Variants in USH2A observed in about 807,000 individuals in gnomAD.
USH2A encodes usherin.
In USH2A, 443 loss-of-function variants were observed where a neutral mutation model predicts 538.9. The observed-to-expected ratio is 0.82, with a 90% confidence interval of 0.76 to 0.89. The LOEUF (loss-of-function observed/expected upper bound fraction) is 0.89, where lower values mean the gene tolerates loss of function less well. Among genes scored for constraint, USH2A ranks in the 40% least tolerant of loss-of-function variants. USH2A has a pLI of 0.00. For missense variants in USH2A, 6,633 were observed against 6,324.8 expected (o/e 1.05, Z -1.65); for synonymous variants, 2,413 against 2,273.5 (o/e 1.06, Z -1.75).
intron 4 of USH2A, among the ~76,000 whole-genome samples, chr1:216,333,898 C>A (rs932615608): frequency 7.9e-5 from 12 of 151,954 alleles, no homozygotes; most frequent in African/African-American, 2.9e-4. Flanking sequence ...ATTGACATTT[C>A]CAGATAAAGA....
intron 20 of USH2A, among the ~76,000 whole-genome samples, chr1:216,184,134 C>T (rs1455587243): frequency 6.6e-6 from 1 of 152,002 alleles, no homozygotes; most frequent in South Asian, 2.1e-4. Flanking sequence ...TCTGTCATTA[C>T]CAAATTTCTC....
chr1:215,754,939 A>C (rs760976852), intron 58 of USH2A, among the ~76,000 whole-genome samples: 2 of 152,148 alleles, frequency 1.3e-5, no homozygotes, highest in Non-Finnish European at 2.9e-5. Context: ...TTCATGCTGC[A>C]GAGATCATTG....
At chr1:216,373,248 A>G (rs1037805957) in intron 3 of USH2A, among the ~76,000 whole-genome samples, 15 of 152,224 alleles carry the variant, frequency 9.9e-5, no homozygotes, top group Admixed American at 5.2e-4. Context: ...AATACTTTCA[A>G]TGAAAGGAGG....
chr1:216,046,408 G>A (rs889380484), intron 32 of USH2A, 23 bp downstream of exon 32: 13 of 1,612,472 alleles, frequency 8.1e-6, no homozygotes, highest in African/African-American at 2.7e-5. Context: ...ATAACAATTC[G>A]CTGATAACTC....
intron 21 of USH2A, among the ~76,000 whole-genome samples, chr1:216,113,761 A>T (rs2032933949): frequency 6.6e-6 from 1 of 151,972 alleles, no homozygotes; most frequent in Non-Finnish European, 1.5e-5. Flanking sequence ...TTTAAAATCT[A>T]AATGTTTTCA....
At chr1:215,682,309 T>C (rs1007297083) in intron 61 of USH2A, among the ~76,000 whole-genome samples, 5 of 152,152 alleles carry the variant, frequency 3.3e-5, no homozygotes, top group African/African-American at 7.2e-5. Context: ...GCTTTTGTCA[T>C]AAGAAACATG....
intron 20 of USH2A, among the ~76,000 whole-genome samples, chr1:216,177,077 C>T (rs1183589811): frequency 6.6e-6 from 1 of 152,088 alleles, no homozygotes; most frequent in African/African-American, 2.4e-5. Context: ...TGAGTAAATA[C>T]CAAGAAGTGC....
intron 61 of USH2A, among the ~76,000 whole-genome samples, chr1:215,696,157 TG>T (rs1454724102): frequency 4.6e-5 from 7 of 152,186 alleles, no homozygotes; most frequent in Non-Finnish European, 8.8e-5. Context: ...GTTTGTTATA[TG>T]TATTATATAC....
At chr1:215,702,911 A>G (rs143603411) in intron 61 of USH2A, among the ~76,000 whole-genome samples, 16 of 152,024 alleles carry the variant, frequency 1.1e-4, no homozygotes, top group Middle Eastern at 3.4e-3. Context: ...TGGAATTTTC[A>G]GCCTTTTTGC....
At chr1:215,701,085 C>A (rs570605596) in intron 61 of USH2A, among the ~76,000 whole-genome samples, 49 of 152,298 alleles carry the variant, frequency 3.2e-4, no homozygotes, top group Non-Finnish European at 3.7e-4. Flanking sequence ...CATTCAGGAG[C>A]AGGTTGTTCA....
chr1:216,386,515 AC>A (rs1407807676), intron 3 of USH2A, among the ~76,000 whole-genome samples: 2 of 100,920 alleles, frequency 2.0e-5, no homozygotes, highest in African/African-American at 3.4e-5. Context: ...AAACAAACAA[AC>A]AAACAAAAAA....
chr1:216,239,739 A>T (rs1245530209), intron 13 of USH2A, among the ~76,000 whole-genome samples: 2 of 152,180 alleles, frequency 1.3e-5, no homozygotes, highest in East Asian at 3.9e-4. Context: ...GGCTACTTGA[A>T]TAGTCCAGGA....
intron 9 of USH2A, among the ~76,000 whole-genome samples, chr1:216,310,306 T>C (rs1221020899): frequency 6.6e-6 from 1 of 152,120 alleles, no homozygotes; most frequent in Non-Finnish European, 1.5e-5. Flanking sequence ...ATATATCAAC[T>C]ATACCTTTTT....
At chr1:216,120,075 T>C (rs1451397509) in intron 21 of USH2A, among the ~76,000 whole-genome samples, 1 of 152,122 alleles carries the variant, frequency 6.6e-6, no homozygotes, top group Non-Finnish European at 1.5e-5. Flanking sequence ...GATACATATT[T>C]TTTTCAGTCA....
intron 27 of USH2A, among the ~76,000 whole-genome samples, chr1:216,076,502 G>T (rs2031756534): frequency 1.3e-5 from 2 of 151,924 alleles, no homozygotes; most frequent in South Asian, 4.1e-4. Context: ...GTACATGCAG[G>T]GTTTTTGTTT....
intron 38 of USH2A, among the ~76,000 whole-genome samples, chr1:215,934,371 G>T (rs1162091052): frequency 1.3e-5 from 2 of 151,656 alleles, no homozygotes; most frequent in African/African-American, 4.8e-5. Flanking sequence ...TGTGTGTATG[G>T]TATATACACA....
chr1:215,934,877 C>A, intron 37 of USH2A, 82 bp from the exon 38 acceptor site: 1 of 1,324,612 alleles, frequency 7.5e-7, no homozygotes, highest in Non-Finnish European at 1.0e-6. Context: ...TCTTGAGTTT[C>A]TAAATATACT....
intron 9 of USH2A, among the ~76,000 whole-genome samples, chr1:216,313,040 C>T (rs2037449310): frequency 6.6e-6 from 1 of 152,056 alleles, no homozygotes; most frequent in Non-Finnish European, 1.5e-5. Flanking sequence ...ACAACTTTTC[C>T]ACGAACTGGG....
chr1:216,066,719 T>G (rs2031387403), intron 30 of USH2A, among the ~76,000 whole-genome samples: 1 of 152,182 alleles, frequency 6.6e-6, no homozygotes, highest in Admixed American at 6.5e-5. Context: ...AGAGGTTTAT[T>G]GATTTGTCCA....
Sources: gnomAD v4.1 joint callset for allele counts (sites outside exome capture counted in the v4.1 genomes callset) on GRCh38, gnomAD v4.1.1 for gene constraint, MANE v1.5 for transcripts, NCBI Gene and HGNC (gene_info 2026-07-23, HGNC 2026-07-21) for gene names.